The following MAPKAP1 variants were observed in gnomAD, a reference collection of about 807,000 sequenced individuals.
MAPKAP1 encodes the protein target of rapamycin complex 2 subunit MAPKAP1.
A neutral mutation model predicts 65.7 loss-of-function variants in MAPKAP1; 20 were observed. The ratio of observed to expected loss-of-function variants is 0.30; its 90% CI spans 0.21 to 0.44. The LOEUF (loss-of-function observed/expected upper bound fraction) is 0.44. Among genes scored for constraint, MAPKAP1 ranks in the 20% least tolerant of loss-of-function variants. The pLI is 1.00. For synonymous variants in MAPKAP1, 222 were observed against 244.3 expected (o/e 0.91, Z 0.85); for missense variants, 423 against 648.0 (o/e 0.65, Z 3.77).
In MAPKAP1 at chr9:125,489,412, A is replaced by T. The variant is rs550348813; in HGVS notation, c.1067-4829T>A. 5.3e-5 allele frequency among the ~76,000 whole-genome samples: 8 copies of T among 152,300 alleles called. 1 individual carries two copies. The highest frequency in any genetic ancestry group is 1.9e-4 in the African/African-American group (8 of 41,550). On this transcript the variant is annotated intron_variant, in intron 8 of 11. Coordinates refer to ENST00000265960, the MANE Select transcript of MAPKAP1 (RefSeq NM_001006617.3). ...AGTCGGGAGGGTTAATGTCTCTATA[A>T]GCCACGGATTACCATAATGTATTGT...
At chr9:125,546,813 G>A (rs900824906) in intron 6 of MAPKAP1, among the ~76,000 whole-genome samples, 4 of 152,058 alleles carry the variant, frequency 2.6e-5, no homozygotes, top group African/African-American at 9.7e-5. Context: ...GGGGTGATCA[G>A]CCCTCGGATG....
chr9:125,476,838 A>T (rs1451732359), intron 9 of MAPKAP1, among the ~76,000 whole-genome samples: 1 of 152,238 alleles, frequency 6.6e-6, no homozygotes, highest in Non-Finnish European at 1.5e-5. Context: ...GCTGCCTGTC[A>T]TCATGCTCAG....
At chr9:125,657,574 A>C in intron 4 of MAPKAP1, 77 bp downstream of exon 4, 1 of 1,319,538 alleles carries the variant, frequency 7.6e-7, no homozygotes, top group Non-Finnish European at 1.0e-6. Context: ...TGAAACCCTA[A>C]ATCTAATAAT....
chr9:125,667,284 A>T (rs1002869851), intron 3 of MAPKAP1, among the ~76,000 whole-genome samples: 9 of 152,304 alleles, frequency 5.9e-5, no homozygotes, highest in Non-Finnish European at 1.0e-4. Context: ...CACATTGTAA[A>T]AGGGACTGAT....
At chr9:125,561,932 T>C (rs181079496) in intron 5 of MAPKAP1, among the ~76,000 whole-genome samples, 2 of 152,338 alleles carry the variant, frequency 1.3e-5, no homozygotes, top group Admixed American at 1.3e-4. Flanking sequence ...GCATGTTCTA[T>C]GTACACACAA....
chr9:125,700,544 G>A (rs963700878), intron 1 of MAPKAP1, among the ~76,000 whole-genome samples: 2 of 151,878 alleles, frequency 1.3e-5, no homozygotes, highest in East Asian at 1.9e-4. Flanking sequence ...CTAGAGTTTC[G>A]GGTTTGTTTT....
At chr9:125,676,889 AG>A (rs1315888918) in intron 1 of MAPKAP1, among the ~76,000 whole-genome samples, 1 of 152,224 alleles carries the variant, frequency 6.6e-6, no homozygotes, top group Non-Finnish European at 1.5e-5. Flanking sequence ...GTTTCATCAC[AG>A]GACTTCCCAA....
intron 10 of MAPKAP1, among the ~76,000 whole-genome samples, chr9:125,459,775 G>A (rs1853394347): frequency 6.9e-6 from 1 of 145,384 alleles, no homozygotes; most frequent in Admixed American, 6.8e-5. Flanking sequence ...GTACAGTCCA[G>A]CTTCGGCTCG....
At chr9:125,535,597 C>T (rs925684647) in intron 7 of MAPKAP1, among the ~76,000 whole-genome samples, 1 of 152,098 alleles carries the variant, frequency 6.6e-6, no homozygotes, top group Non-Finnish European at 1.5e-5. Context: ...TCAGCCTCTC[C>T]CATGTTAGAG....
chr9:125,541,635 C>A (rs1442269134), intron 7 of MAPKAP1, among the ~76,000 whole-genome samples: 1 of 152,108 alleles, frequency 6.6e-6, no homozygotes, highest in Non-Finnish European at 1.5e-5. Flanking sequence ...TGTGCCTCTT[C>A]AATCATCCCC....
chr9:125,666,092 ATAAAAT>A (rs1834332693), intron 3 of MAPKAP1, among the ~76,000 whole-genome samples: 1 of 152,260 alleles, frequency 6.6e-6, no homozygotes, highest in African/African-American at 2.4e-5. Flanking sequence ...TTTTAAAATA[ATAAAAT>A]TAAAGATATT....
intron 4 of MAPKAP1, among the ~76,000 whole-genome samples, chr9:125,639,926 C>A (rs1041846180): frequency 2.6e-5 from 4 of 152,076 alleles, no homozygotes; most frequent in African/African-American, 9.7e-5. Context: ...CACAGACAGG[C>A]GCATGGGGGC....
At position 125,698,289 on chromosome 9, in the gene MAPKAP1, ATATATATATATATATATATATATATATAT is replaced by A. The variant is rs1358572407; in HGVS notation, c.-70+8653_-70+8681del. ...TATATATAATACATAATATATATAA[ATATATATATATATATATATATATATATAT>A]ATATATATATATATATATAAAATAT... On this transcript the variant is annotated intron_variant, in intron 1 of 11. Transcript: ENST00000265960. Among the ~76,000 whole-genome samples the A allele has an allele frequency of 5.7e-3, 447 of 77,794 alleles. 12 individuals carry two copies. The highest frequency in any genetic ancestry group is 0.015 in the African/African-American group (327 of 21,272). 51.0% of individuals were successfully genotyped at this position (77,794 alleles called of 152,430 possible).
At chr9:125,508,207 G>A (rs1463370047) in intron 7 of MAPKAP1, among the ~76,000 whole-genome samples, 1 of 152,136 alleles carries the variant, frequency 6.6e-6, no homozygotes, top group Non-Finnish European at 1.5e-5. Flanking sequence ...AAGTATGGAA[G>A]GAAATGCAGG....
intron 7 of MAPKAP1, among the ~76,000 whole-genome samples, chr9:125,509,278 A>G (rs1031310420): frequency 7.2e-5 from 1 of 13,812 alleles, no homozygotes; most frequent in African/African-American, 5.7e-4. Context: ...TTAAAAAGGT[A>G]AATCTAAGCA....
At chr9:125,564,731 A>G (rs1830997090) in intron 5 of MAPKAP1, among the ~76,000 whole-genome samples, 1 of 152,324 alleles carries the variant, frequency 6.6e-6, no homozygotes, top group South Asian at 2.1e-4. Flanking sequence ...AAAGATTCTC[A>G]TGTTGCTAAG....
At chr9:125,528,951 G>A (rs1829855518) in intron 7 of MAPKAP1, among the ~76,000 whole-genome samples, 1 of 151,724 alleles carries the variant, frequency 6.6e-6, no homozygotes, top group Non-Finnish European at 1.5e-5. Flanking sequence ...GATCACTTGT[G>A]GTCAGGAGTT....
chr9:125,706,185 T>C (rs1462737307), intron 1 of MAPKAP1, among the ~76,000 whole-genome samples: 1 of 152,118 alleles, frequency 6.6e-6, no homozygotes, highest in Non-Finnish European at 1.5e-5. Context: ...TCTAGGCTTC[T>C]GCTCAAGTGG....
chr9:125,516,523 C>T (rs1829465916), intron 7 of MAPKAP1, among the ~76,000 whole-genome samples: 2 of 152,182 alleles, frequency 1.3e-5, no homozygotes, highest in Admixed American at 1.3e-4. Flanking sequence ...TCTTGCCTGG[C>T]CTTGGAGTTC....
Sources: allele counts gnomAD v4.1 joint callset (sites outside exome capture counted in the v4.1 genomes callset), GRCh38; gene constraint gnomAD v4.1.1; transcripts MANE v1.5; gene names NCBI Gene and HGNC (gene_info 2026-07-23, HGNC 2026-07-21).